Variants in KCNG2 observed in about 807,000 individuals in gnomAD.
KCNG2 encodes the protein potassium voltage-gated channel modifier subfamily G member 2, also known as voltage-gated potassium channel regulatory subunit KCNG2.
KCNG2 carries 7 observed loss-of-function variants against 12.3 expected under a neutral mutation model. The observed-to-expected ratio is 0.57, with a 90% CI of 0.32 to 1.07. The LOEUF (loss-of-function observed/expected upper bound fraction) is 1.07. Among genes scored for constraint, KCNG2 ranks in the 50% least tolerant of loss-of-function variants. The pLI, the probability that KCNG2 is intolerant of heterozygous loss-of-function variation, is 0.04. For synonymous variants in KCNG2, 414 were observed against 351.4 expected (o/e 1.18, Z -1.99); for missense variants, 703 against 726.0 (o/e 0.97, Z 0.36).
At position 79,899,256 on chromosome 18, in the gene KCNG2, G is replaced by C. The variant is rs1186243539; in HGVS notation, c.841G>C (p.Glu281Gln). 6.3e-7 allele frequency: 1 copy of C among 1,592,306 alleles called. No homozygotes were observed. The highest frequency in any genetic ancestry group is 8.5e-7 in the Non-Finnish European group (1 of 1,175,682). The stretch of plus-strand genomic sequence containing the variant: ...AGGCCCGGGCGGGACCAAGCTCCTG[G>C]AGCGCGCGGGGCTGGTGCTGCGGCT... ...AAGPGGTKLL[E>Q]RAGLVLRLLR... The change falls in exon 4 of 4, where the codon GAG becomes CAG. Residue 281 changes from glutamate (E) to glutamine (Q), a missense_variant. By Grantham distance (29) the Glu-to-Gln change is conservative. Coordinates refer to ENST00000316249, the MANE Select transcript of KCNG2 (RefSeq NM_012283.2).
intron 1 of KCNG2, among the ~76,000 whole-genome samples, chr18:79,801,108 G>A (rs545367199): frequency 6.6e-6 from 1 of 152,302 alleles, no homozygotes; most frequent in Non-Finnish European, 1.5e-5. Flanking sequence ...TCTGATCCCC[G>A]CCACGTCAGA....
chr18:79,832,245 C>A (rs1002625798), intron 1 of KCNG2, among the ~76,000 whole-genome samples: 1 of 148,256 alleles, frequency 6.7e-6, no homozygotes, highest in Non-Finnish European at 1.5e-5. Flanking sequence ...CCTGCTCATC[C>A]TCACCCGTGA....
Position 79,899,170 on chromosome 18 carries a change from A to G in KCNG2, c.755A>G (p.Asn252Ser), listed in dbSNP as rs1981093515. Residue 252 changes from asparagine (N) to serine (S), a missense_variant, in exon 4 of 4, where the codon AAC (asparagine) becomes AGC (serine). Physicochemically the swap from Asn to Ser is conservative, Grantham distance 46. Transcript: ENST00000316249. ...TGCGCCTTCCTGCGCGCGCCACTCA[A>G]CATCATTGACATCCTGGCGCTCCTG... ...SKCAFLRAPLNIIDILALLPF... is the reference protein window; with the variant it reads ...SKCAFLRAPLSIIDILALLPF... 6.2e-7 allele frequency: 1 copy of G among 1,605,722 alleles called. No homozygotes were observed. The highest frequency in any genetic ancestry group is 8.5e-7 in the Non-Finnish European group (1 of 1,179,542).
At chr18:79,810,177 AG>A (rs997382776) in intron 1 of KCNG2, among the ~76,000 whole-genome samples, 31 of 151,642 alleles carry the variant, frequency 2.0e-4, no homozygotes, top group African/African-American at 6.8e-4. Flanking sequence ...AGGCGGTGGG[AG>A]GGGGGAGTGG....
rs538219362 is a variant in KCNG2 at position 79,873,222 on chromosome 18, G to A, written c.624+8931G>A. Among the ~76,000 whole-genome samples the A allele has an allele frequency of 4.6e-5, 7 of 152,342 alleles. No homozygotes were observed. The South Asian group carries it at 8.3e-4, about 18-fold the overall frequency. On this transcript the variant is annotated intron_variant, in intron 3 of 3. Coordinates refer to ENST00000316249, the MANE Select transcript of KCNG2 (RefSeq NM_012283.2). Reference sequence around the variant, plus strand: ...CGGGGGACCACCCTCTCCACCCAGCGTTTCTCGCCTCCTGTCCGTATCACT... The same window carrying A: ...CGGGGGACCACCCTCTCCACCCAGCATTTCTCGCCTCCTGTCCGTATCACT...
Position 79,883,446 on chromosome 18 carries a change from C to T in KCNG2, c.625-15594C>T, listed in dbSNP as rs550993198. Reference sequence around the variant, plus strand: ...CATTTCTGACGTTCCCTGACAACTCCCCAAAATAGAATTTCTAGGTCAAAG... The same window carrying T: ...CATTTCTGACGTTCCCTGACAACTCTCCAAAATAGAATTTCTAGGTCAAAG... On this transcript the variant is annotated intron_variant, in intron 3 of 3. Coordinates refer to ENST00000316249, the MANE Select transcript of KCNG2 (RefSeq NM_012283.2). Among the ~76,000 whole-genome samples, 7 of 152,316 alleles carry T rather than the reference C, an allele frequency of 4.6e-5. 1 individual carries two copies. In the East Asian group the frequency reaches 1.2e-3, roughly 25 times the overall value.
intron 1 of KCNG2, among the ~76,000 whole-genome samples, chr18:79,828,583 GTC>G (rs1978288056): frequency 2.0e-5 from 3 of 152,000 alleles, no homozygotes. Context: ...GTGTGCATGT[GTC>G]TGCATGTGGG....
At chr18:79,837,962 T>C (rs1409721479) in intron 1 of KCNG2, among the ~76,000 whole-genome samples, 1 of 152,212 alleles carries the variant, frequency 6.6e-6, no homozygotes, top group East Asian at 1.9e-4. Context: ...TGACCCACAA[T>C]TCCACATGGC....
chr18:79,896,452 T>C (rs1418236193), intron 3 of KCNG2, among the ~76,000 whole-genome samples: 1 of 152,226 alleles, frequency 6.6e-6, no homozygotes, highest in African/African-American at 2.4e-5. Flanking sequence ...TACACATTGT[T>C]ACAATTGTTG....
At chr18:79,845,113 C>G (rs1041723814) in intron 1 of KCNG2, among the ~76,000 whole-genome samples, 4 of 152,216 alleles carry the variant, frequency 2.6e-5, no homozygotes, top group African/African-American at 9.6e-5. Context: ...CTGATGTATT[C>G]AGCAACCCAG....
intron 3 of KCNG2, among the ~76,000 whole-genome samples, chr18:79,882,308 C>T (rs1363498216): frequency 1.3e-5 from 2 of 152,292 alleles, no homozygotes; most frequent in South Asian, 2.1e-4. Context: ...CAGGAGTTCA[C>T]GACCAGCCTG....
chr18:79,832,360 TCCATCCTCACCTGCACTCACCTGC>T, intron 1 of KCNG2, among the ~76,000 whole-genome samples: 1 of 147,842 alleles, frequency 6.8e-6, no homozygotes, highest in African/African-American at 2.5e-5. Flanking sequence ...TCCTCACCTG[TCCATCCTCACCTGCACTCACCTGC>T]CCATCCTCAC....
At chr18:79,885,531 C>T (rs1436861432) in intron 3 of KCNG2, among the ~76,000 whole-genome samples, 7 of 152,176 alleles carry the variant, frequency 4.6e-5, no homozygotes, top group Middle Eastern at 3.2e-3. Context: ...GGCAGGGCGG[C>T]GCTCAGAACA....
chr18:79,798,044 G>A (rs969757890), intron 1 of KCNG2, among the ~76,000 whole-genome samples, 30 bp downstream of exon 1: 27 of 149,522 alleles, frequency 1.8e-4, no homozygotes, highest in African/African-American at 6.5e-4. Flanking sequence ...GGGGCCGGGG[G>A]TGGGGGGTCC....
chr18:79,882,788 G>A (rs1234285838), intron 3 of KCNG2, among the ~76,000 whole-genome samples: 11 of 149,584 alleles, frequency 7.4e-5, no homozygotes, highest in African/African-American at 2.4e-4. Flanking sequence ...CCTGCGCGTG[G>A]AGCGCGGAGG....
At chr18:79,868,833 G>A (rs1395052636) in intron 3 of KCNG2, among the ~76,000 whole-genome samples, 3 of 152,250 alleles carry the variant, frequency 2.0e-5, no homozygotes, top group African/African-American at 4.8e-5. Flanking sequence ...CAGGCCAGCT[G>A]CTGAGGGACG....
chr18:79,807,907 G>A (rs868795949), intron 1 of KCNG2, among the ~76,000 whole-genome samples: 6 of 91,526 alleles, frequency 6.6e-5, no homozygotes, highest in African/African-American at 3.2e-4. Context: ...CCGGGGCCGC[G>A]CTGACCACAC....
chr18:79,804,281 C>T (rs1483464466), intron 1 of KCNG2, among the ~76,000 whole-genome samples: 1 of 152,248 alleles, frequency 6.6e-6, no homozygotes, highest in Non-Finnish European at 1.5e-5. Flanking sequence ...GCCGCTGGAC[C>T]CTGGCCCTGC....
intron 1 of KCNG2, among the ~76,000 whole-genome samples, chr18:79,798,854 GA>G (rs1484896882): frequency 3.3e-5 from 5 of 152,166 alleles, no homozygotes; most frequent in Non-Finnish European, 5.9e-5. Context: ...TCCGCGTCCC[GA>G]ACGTTCCCCT....
Sources: gnomAD v4.1 joint callset for allele counts (sites outside exome capture counted in the v4.1 genomes callset) on GRCh38, gnomAD v4.1.1 for gene constraint, MANE v1.5 for transcripts, NCBI Gene and HGNC (gene_info 2026-07-23, HGNC 2026-07-21) for gene names.